HS6ST3: variants seen among roughly 807,000 people sequenced by gnomAD.
HS6ST3 encodes the protein heparan-sulfate 6-O-sulfotransferase 3.
HS6ST3 carries 12 observed loss-of-function variants against 36.7 expected under a neutral mutation model. The ratio of observed to expected loss-of-function variants is 0.33; its 90% CI spans 0.21 to 0.53. The LOEUF is 0.53. Ranked by LOEUF, HS6ST3 falls within the 20% of genes least tolerant of loss-of-function variation. The probability of loss-of-function intolerance (pLI) is 0.95; values close to 1 mark genes in which losing one functional copy is unlikely to be tolerated. For synonymous variants in HS6ST3, 240 were observed against 257.5 expected, an observed-to-expected ratio of 0.93 and a Z score of 0.65; for missense variants, 584 against 640.9, an observed-to-expected ratio of 0.91 and a Z score of 0.96.
chr13:96,242,220 C>CTTT lies in HS6ST3; in HGVS notation c.707+150660_707+150662dup, dbSNP rs149222857. 6.8e-5 allele frequency among the ~76,000 whole-genome samples: 10 copies of CTTT among 146,862 alleles called. No individual in the cohort carries two copies. The East Asian group carries it at 1.6e-3, about 24-fold the overall frequency. ...ACCATTCTACCTTCTGTTTTTGAGT[C>CTTT]TTTTTTTTTTTCTTTTTTTGAGATA... On this transcript the variant is annotated intron_variant, in intron 1 of 1. Coordinates refer to ENST00000376705, the MANE Select transcript of HS6ST3 (RefSeq NM_153456.4).
rs576297519 is a variant in HS6ST3, at chr13:96,319,794, T to G, written c.707+228225T>G. 1.9e-3 allele frequency among the ~76,000 whole-genome samples: 283 copies of G among 152,352 alleles called. 1 individual carries two copies. The highest frequency in any genetic ancestry group is 6.6e-3 in the African/African-American group (274 of 41,584). On this transcript the variant is annotated intron_variant, in intron 1 of 1. Transcript: ENST00000376705. ...TTTTAGGATTTCGTTTTAAAGCAGG[T>G]GCATTTCAGGATTTCGTTTTAAAGC...
At chr13:96,686,753 G>C (rs1376695993) in intron 1 of HS6ST3, among the ~76,000 whole-genome samples, 1 of 152,000 alleles carries the variant, frequency 6.6e-6, no homozygotes, top group Non-Finnish European at 1.5e-5. Flanking sequence ...CATTCTCGCT[G>C]TGGGGCTTCA....
chr13:96,788,669 TTA>T (rs775142897), intron 1 of HS6ST3, among the ~76,000 whole-genome samples: 7 of 151,950 alleles, frequency 4.6e-5, no homozygotes, highest in Non-Finnish European at 7.4e-5. Flanking sequence ...TTCCTTTCAG[TTA>T]TATCCATTTC....
At chr13:96,467,803 G>C (rs944970984) in intron 1 of HS6ST3, among the ~76,000 whole-genome samples, 7 of 152,142 alleles carry the variant, frequency 4.6e-5, no homozygotes, top group Admixed American at 3.3e-4. Context: ...TGTGCCCAAA[G>C]TCCTGTAACT....
chr13:96,152,245 A>G (rs1427885163), intron 1 of HS6ST3, among the ~76,000 whole-genome samples: 2 of 149,844 alleles, frequency 1.3e-5, no homozygotes, highest in Non-Finnish European at 3.0e-5. Flanking sequence ...CCCCTCTGCT[A>G]TTATTGCCAC....
chr13:96,679,212 T>G (rs1211746265), intron 1 of HS6ST3, among the ~76,000 whole-genome samples: 1 of 151,068 alleles, frequency 6.6e-6, no homozygotes, highest in Admixed American at 6.6e-5. Flanking sequence ...GGGCCAATGC[T>G]TATCTCTGGG....
In HS6ST3 at chr13:96,091,306, C is replaced by T. The variant is rs149591742; in HGVS notation, c.444C>T (p.Ile148=). The change falls in exon 1 of 2, where the codon ATC becomes ATT. Residue 148 remains isoleucine (I), a synonymous_variant. Transcript: ENST00000376705. ...VDFNIKGRDV[I]VFLHIQKTGG... ...TCAACATCAAAGGGCGCGACGTGAT[C>T]GTGTTCCTCCACATCCAGAAGACGG... 5.8e-5 allele frequency: 94 copies of T among 1,613,928 alleles called. No homozygotes were observed. The African/African-American group carries it at 1.2e-3, about 20-fold the overall frequency.
intron 1 of HS6ST3, among the ~76,000 whole-genome samples, chr13:96,801,789 A>T (rs1045510573): frequency 1.3e-5 from 2 of 152,104 alleles, no homozygotes; most frequent in African/African-American, 4.8e-5. Flanking sequence ...ACTGGGAAGG[A>T]CATGACCATT....
intron 1 of HS6ST3, among the ~76,000 whole-genome samples, chr13:96,480,054 A>G (rs1694189113): frequency 6.6e-6 from 1 of 152,184 alleles, no homozygotes; most frequent in African/African-American, 2.4e-5. Flanking sequence ...AACATTCCAG[A>G]TATTGGAAAA....
chr13:96,127,289 TG>T, intron 1 of HS6ST3, among the ~76,000 whole-genome samples: 1 of 152,230 alleles, frequency 6.6e-6, no homozygotes, highest in Non-Finnish European at 1.5e-5. Flanking sequence ...GGTGTTTCCA[TG>T]GACCGGGAGT....
chr13:96,614,223 G>A (rs985689031), intron 1 of HS6ST3, among the ~76,000 whole-genome samples: 14 of 148,536 alleles, frequency 9.4e-5, no homozygotes, highest in Non-Finnish European at 1.3e-4. Flanking sequence ...GCGAGAACCC[G>A]GGAGGCGGAG....
intron 1 of HS6ST3, among the ~76,000 whole-genome samples, chr13:96,578,165 C>G (rs1474144430): frequency 9.9e-5 from 15 of 152,168 alleles, no homozygotes. Flanking sequence ...TGCTTCAGTT[C>G]CTCTTTCCTT....
chr13:96,572,389 A>T (rs2056303898), intron 1 of HS6ST3, among the ~76,000 whole-genome samples: 1 of 152,206 alleles, frequency 6.6e-6, no homozygotes, highest in Non-Finnish European at 1.5e-5. Flanking sequence ...GTTTGAAATA[A>T]ATGAGATTCA....
intron 1 of HS6ST3, among the ~76,000 whole-genome samples, chr13:96,096,506 AC>A (rs2053791859): frequency 6.6e-6 from 1 of 151,998 alleles, no homozygotes; most frequent in African/African-American, 2.4e-5. Flanking sequence ...CCTCCTTCCT[AC>A]CCCATGCTTA....
At chr13:96,729,084 A>G (rs78976808) in intron 1 of HS6ST3, among the ~76,000 whole-genome samples, 1 of 152,328 alleles carries the variant, frequency 6.6e-6, no homozygotes, top group South Asian at 2.1e-4. Flanking sequence ...ACAAACTTAG[A>G]TAACAAATAT....
intron 1 of HS6ST3, among the ~76,000 whole-genome samples, chr13:96,501,766 G>T (rs1302977693): frequency 6.6e-6 from 1 of 152,186 alleles, no homozygotes; most frequent in Admixed American, 6.5e-5. Flanking sequence ...ATGAATGTAG[G>T]AACTGGAAGT....
At chr13:96,529,811 G>A (rs768705556) in intron 1 of HS6ST3, among the ~76,000 whole-genome samples, 15 of 152,204 alleles carry the variant, frequency 9.9e-5, no homozygotes, top group Admixed American at 3.9e-4. Flanking sequence ...CATAAATTTA[G>A]ATAGGATCAC....
rs369219924 is a variant in HS6ST3, at chr13:96,617,071, G to T, written c.708-215419G>T. On this transcript the variant is annotated intron_variant, in intron 1 of 1. Coordinates refer to ENST00000376705, the MANE Select transcript of HS6ST3 (RefSeq NM_153456.4). ...GCATCTTAAACTAATTTATAGATAT[G>T]ACTTTTGTAGTATGTCATGGAGATA... is the stretch of plus-strand genomic sequence containing the variant. Among the ~76,000 whole-genome samples the T allele has an allele frequency of 1.1e-4, 17 of 152,176 alleles. 2 individuals are homozygous for T. The highest frequency in any genetic ancestry group is 7.7e-4 in the East Asian group (4 of 5,192).
intron 1 of HS6ST3, among the ~76,000 whole-genome samples, chr13:96,588,286 A>G (rs1295433388): frequency 6.6e-6 from 1 of 151,572 alleles, no homozygotes; most frequent in Non-Finnish European, 1.5e-5. Flanking sequence ...GAGTGAAGAG[A>G]GTGAGCATCC....
Sources: gnomAD v4.1 joint callset for allele counts (sites outside exome capture counted in the v4.1 genomes callset) on GRCh38, gnomAD v4.1.1 for gene constraint, MANE v1.5 for transcripts, NCBI Gene and HGNC (gene_info 2026-07-23, HGNC 2026-07-21) for gene names.